The following HPD variants were observed in gnomAD, a reference collection of about 807,000 sequenced individuals.
HPD encodes the protein 4-hydroxyphenylpyruvic acid oxidase.
A neutral mutation model predicts 56.9 loss-of-function variants in HPD; 35 were observed. That is an observed-to-expected ratio of 0.62 (90% CI 0.47 to 0.82). HPD has a LOEUF of 0.82. HPD is among the 40% of genes least tolerant of loss of function. The pLI, the probability that HPD is intolerant of heterozygous loss-of-function variation, is 0.00. For synonymous variants in HPD, 186 were observed against 200.2 expected (o/e 0.93, Z 0.60); for missense variants, 442 against 506.8 (o/e 0.87, Z 1.23).
intron 2 of HPD, 35 bp from the exon 3 acceptor site, chr12:121,857,854 T>C (rs747846242): frequency 8.3e-6 from 13 of 1,563,468 alleles, no homozygotes; most frequent in Admixed American, 1.7e-5. Flanking sequence ...GTTGAGTCCC[T>C]GAAAGTGAGT....
At chr12:121,865,415 G>A (rs978198122), upstream of HPD, among the ~76,000 whole-genome samples, 2 of 150,958 alleles carry the variant, frequency 1.3e-5, no homozygotes, top group African/African-American at 4.8e-5. Context: ...GATTATGGGT[G>A]CCCGCCACCA....
chr12:121,877,687 C>T, the HPD span, among the ~76,000 whole-genome samples: 1 of 151,942 alleles, frequency 6.6e-6, no homozygotes, highest in Non-Finnish European at 1.5e-5. Context: ...AAGCTGAGAT[C>T]GTGCCACTGC....
At chr12:121,882,072 G>C in the HPD span, among the ~76,000 whole-genome samples, 293 of 151,900 alleles carry the variant, frequency 1.9e-3, no homozygotes, top group African/African-American at 6.7e-3. Flanking sequence ...ATGAGCCACT[G>C]TGCTGGCCTG....
intron 7 of HPD, 24 bp downstream of exon 7, chr12:121,854,679 G>C (rs759554947): frequency 1.9e-6 from 3 of 1,544,256 alleles, no homozygotes; most frequent in Non-Finnish European, 1.8e-6. Context: ...AGCAGGAGGG[G>C]TGGGGGCACC....
At chr12:121,847,004 C>T in intron 10 of HPD, 48 bp downstream of exon 10, 1 of 1,613,336 alleles carries the variant, frequency 6.2e-7, no homozygotes, top group Non-Finnish European at 8.5e-7. Flanking sequence ...ACAAGAGCCC[C>T]CAGACCTCTT....
intron 6 of HPD, 23 bp from the exon 7 acceptor site, chr12:121,854,815 G>T: frequency 6.3e-7 from 1 of 1,578,780 alleles, no homozygotes; most frequent in Non-Finnish European, 8.7e-7. Flanking sequence ...TGGGATCGGG[G>T]AATTGGTGAG....
intron 7 of HPD, among the ~76,000 whole-genome samples, chr12:121,854,292 T>C (rs1168478957): frequency 6.6e-6 from 1 of 152,156 alleles, no homozygotes; most frequent in African/African-American, 2.4e-5. Context: ...AAAAAGATAC[T>C]GCTGAGGCAC....
the HPD span, among the ~76,000 whole-genome samples, chr12:121,884,382 C>A: frequency 6.6e-6 from 1 of 152,072 alleles, no homozygotes; most frequent in East Asian, 1.9e-4. Context: ...AGGCTGGTCT[C>A]AAACCCCTGA....
rs1166500809 is a variant in HPD, at chr12:121,847,361, T to TTTG, written c.597-150_597-148dup. On this transcript the variant is annotated intron_variant, in intron 9 of 13. Coordinates refer to ENST00000289004, the MANE Select transcript of HPD (RefSeq NM_002150.3). ...CATACCCATCAGAGATTTAGATCTT[T>TTTG]TTGTTGTTGTTGTTGCTCGAGACAG... 8.0e-6 allele frequency: 6 copies of TTTG among 752,714 alleles called. No homozygotes were observed. In the African/African-American group the frequency reaches 8.7e-5, roughly 11 times the overall value. 46.6% of individuals were successfully genotyped at this position (752,714 alleles called of 1,614,324 possible). A position where few individuals can be genotyped will look rare whatever the true frequency, so the allele number is the denominator to read the frequency against.
chr12:121,860,715 C>T (rs146474007), upstream of HPD, among the ~76,000 whole-genome samples: 1,165 of 152,266 alleles, frequency 7.7e-3, 16 homozygotes, highest in Middle Eastern at 0.037. Context: ...GTTCATAGGA[C>T]GCATCCTTGA....
chr12:121,876,131 C>T, the HPD span, among the ~76,000 whole-genome samples: 1 of 151,932 alleles, frequency 6.6e-6, no homozygotes, highest in East Asian at 1.9e-4. Flanking sequence ...GTCAAAATGG[C>T]GAAACCCCAT....
At chr12:121,862,494 A>C (rs1022885425), upstream of HPD, among the ~76,000 whole-genome samples, 1 of 149,584 alleles carries the variant, frequency 6.7e-6, no homozygotes, top group Non-Finnish European at 1.5e-5. Flanking sequence ...ATGGGGTTTC[A>C]CCATGTTGGT....
chr12:121,882,676 G>T, the HPD span, among the ~76,000 whole-genome samples: 18 of 152,248 alleles, frequency 1.2e-4, no homozygotes, highest in East Asian at 3.3e-3. Context: ...GCCCAGCTGT[G>T]GGGTGGGACA....
At chr12:121,860,028 C>A (rs1878135390), upstream of HPD, among the ~76,000 whole-genome samples, 1 of 152,156 alleles carries the variant, frequency 6.6e-6, no homozygotes, top group Non-Finnish European at 1.5e-5. Context: ...CACGGTGGTG[C>A]ACGTCTGTAG....
At chr12:121,855,972 CAAAAAAAAAAA>C (rs57671436) in intron 6 of HPD, among the ~76,000 whole-genome samples, 2 of 65,348 alleles carry the variant, frequency 3.1e-5, no homozygotes, top group Non-Finnish European at 5.4e-5. Flanking sequence ...CTCCGTCTCA[CAAAAAAAAAAA>C]AAAAAAAAAA....
At chr12:121,857,222 G>T in intron 4 of HPD, 106 bp downstream of exon 4, 1 of 775,608 alleles carries the variant, frequency 1.3e-6, no homozygotes, top group Non-Finnish European at 2.3e-6. Flanking sequence ...TGGGATTACA[G>T]GTGCCCACCA....
rs374285772 is a variant in HPD, at chr12:121,849,740, T to C, written c.465A>G (p.Gln155=). Residue 155 remains glutamine (Q), a synonymous_variant, in exon 8 of 14, where the codon CAA becomes CAG. Transcript: ENST00000289004. ...CTGGGGCCTCATATCCAGGCAAGAATTGGCCGATGTAGTTCATCTTCTCCA... is the reference window on the plus strand; with the variant it reads ...CTGGGGCCTCATATCCAGGCAAGAACTGGCCGATGTAGTTCATCTTCTCCA... ...TLVEKMNYIG[Q]FLPGYEAPAF... 6.2e-7 allele frequency: 1 copy of C among 1,614,044 alleles called. No homozygotes were observed. Among genetic ancestry groups the C allele is most frequent in the Non-Finnish European group, 8.5e-7 (1 of 1,179,966 alleles).
chr12:121,885,033 G>A, the HPD span, among the ~76,000 whole-genome samples: 3 of 151,956 alleles, frequency 2.0e-5, no homozygotes, highest in East Asian at 3.9e-4. Context: ...TGGGATTACA[G>A]GTGCCTGCCA....
upstream of HPD, among the ~76,000 whole-genome samples, chr12:121,861,711 G>C (rs1878178375): frequency 6.6e-6 from 1 of 152,166 alleles, no homozygotes; most frequent in Non-Finnish European, 1.5e-5. Context: ...CTGACCCTTA[G>C]AGTCATGATT....
Sources: gnomAD v4.1 joint callset for allele counts (sites outside exome capture counted in the v4.1 genomes callset) on GRCh38, gnomAD v4.1.1 for gene constraint, MANE v1.5 for transcripts, NCBI Gene and HGNC (gene_info 2026-07-23, HGNC 2026-07-21) for gene names.